Variants in ROBO2 observed in about 807,000 individuals in gnomAD.
The protein encoded by ROBO2 is roundabout guidance receptor 2.
In ROBO2, 53 loss-of-function variants were observed where a neutral mutation model predicts 160.8. That is an observed-to-expected ratio of 0.33 (90% confidence interval 0.26 to 0.41). The LOEUF (loss-of-function observed/expected upper bound fraction) is 0.41. Ranked by LOEUF, ROBO2 falls within the 10% of genes least tolerant of loss-of-function variation. The probability of loss-of-function intolerance (pLI) is 1.00; values close to 1 mark genes in which losing one functional copy is unlikely to be tolerated. For synonymous variants in ROBO2, 664 were observed against 611.7 expected (o/e 1.09, Z -1.26); for missense variants, 1,577 against 1,722.4 (o/e 0.92, Z 1.49).
intron 5 of ROBO2, among the ~76,000 whole-genome samples, chr3:77,518,586 A>G (rs2090269752): frequency 6.6e-6 from 1 of 151,470 alleles, no homozygotes; most frequent in Non-Finnish European, 1.5e-5. Context: ...GAGAGAGCCA[A>G]GGAGGTAGCT....
intron 2 of ROBO2, among the ~76,000 whole-genome samples, chr3:76,644,253 A>G (rs1485100047): frequency 6.6e-6 from 1 of 152,214 alleles, no homozygotes; most frequent in Non-Finnish European, 1.5e-5. Context: ...AACTATCCAC[A>G]TTTGAAAAGC....
At chr3:76,775,952 G>T (rs2062223985) in intron 2 of ROBO2, among the ~76,000 whole-genome samples, 1 of 150,796 alleles carries the variant, frequency 6.6e-6, no homozygotes, top group Non-Finnish European at 1.5e-5. Flanking sequence ...ATCCATGTCT[G>T]TAAAGCAACT....
intron 2 of ROBO2, among the ~76,000 whole-genome samples, chr3:76,450,198 G>A (rs967382048): frequency 6.6e-6 from 1 of 152,040 alleles, no homozygotes; most frequent in Non-Finnish European, 1.5e-5. Flanking sequence ...AAGCAAAAAT[G>A]GGTTCTGGAA....
chr3:76,834,869 T>C (rs942311894), intron 2 of ROBO2, among the ~76,000 whole-genome samples: 1 of 152,186 alleles, frequency 6.6e-6, no homozygotes, highest in Non-Finnish European at 1.5e-5. Context: ...GCAACCCAAT[T>C]GTTTATAACG....
intron 2 of ROBO2, among the ~76,000 whole-genome samples, chr3:76,166,549 A>G (rs1438822392): frequency 6.6e-6 from 1 of 152,108 alleles, no homozygotes; most frequent in Non-Finnish European, 1.5e-5. Flanking sequence ...CTCTAAATAA[A>G]TCCTCATTTA....
chr3:77,243,664 C>T (rs1034914681), intron 2 of ROBO2, among the ~76,000 whole-genome samples: 2 of 152,176 alleles, frequency 1.3e-5, no homozygotes, highest in African/African-American at 4.8e-5. Flanking sequence ...CATTAAAATA[C>T]TTGAGCTTGA....
rs571745615 is a variant in ROBO2, at chr3:76,051,956, A to G, written c.109+114354A>G. On this transcript the variant is annotated intron_variant, in intron 2 of 26. Transcript: ENST00000487694. Reference sequence around the variant, plus strand: ...GATCTAAATTTCAATGATAAAAAGTACTATTAAAAGAAAATATTTATGGAA... The same window carrying G: ...GATCTAAATTTCAATGATAAAAAGTGCTATTAAAAGAAAATATTTATGGAA... 2.0e-5 allele frequency among the ~76,000 whole-genome samples: 3 copies of G among 152,210 alleles called. No individual in the cohort carries two copies. The South Asian group carries it at 6.2e-4, about 32-fold the overall frequency.
At chr3:75,928,868 G>A (rs1160817608) in intron 1 of ROBO2, among the ~76,000 whole-genome samples, 5 of 92,482 alleles carry the variant, frequency 5.4e-5, no homozygotes, top group Non-Finnish European at 1.0e-4. Context: ...AGACGTGTGT[G>A]TGTGTGTGTG....
At chr3:77,156,743 A>C (rs2150574606) in intron 2 of ROBO2, among the ~76,000 whole-genome samples, 1 of 149,970 alleles carries the variant, frequency 6.7e-6, no homozygotes, top group Non-Finnish European at 1.5e-5. Context: ...TTAGAATATT[A>C]ATTAGAATAT....
intron 5 of ROBO2, among the ~76,000 whole-genome samples, chr3:77,510,593 C>A (rs144698572): frequency 6.6e-6 from 1 of 152,156 alleles, no homozygotes; most frequent in Non-Finnish European, 1.5e-5. Context: ...TGAGGATTTA[C>A]TATGTGCCTT....
intron 2 of ROBO2, among the ~76,000 whole-genome samples, chr3:76,090,897 G>C (rs1315219029): frequency 6.6e-6 from 1 of 152,168 alleles, no homozygotes; most frequent in Non-Finnish European, 1.5e-5. Flanking sequence ...ACACCCACAT[G>C]CGAACAAACT....
chr3:76,570,950 T>C (rs2084916758), intron 2 of ROBO2, among the ~76,000 whole-genome samples: 1 of 152,144 alleles, frequency 6.6e-6, no homozygotes, highest in Non-Finnish European at 1.5e-5. Flanking sequence ...ATGACAAAAC[T>C]GTATCATACA....
At chr3:76,271,406 C>A (rs1386249267) in intron 2 of ROBO2, among the ~76,000 whole-genome samples, 1 of 151,252 alleles carries the variant, frequency 6.6e-6, no homozygotes, top group Non-Finnish European at 1.5e-5. Context: ...GATGGAGATA[C>A]TTTCAGAACC....
intron 16 of ROBO2, among the ~76,000 whole-genome samples, chr3:77,581,145 CAT>C (rs990402159): frequency 2.0e-5 from 3 of 152,084 alleles, no homozygotes; most frequent in African/African-American, 7.2e-5. Context: ...GAATTGACCA[CAT>C]GTTTGCCTTT....
intron 2 of ROBO2, among the ~76,000 whole-genome samples, chr3:76,613,237 T>G (rs2088284999): frequency 6.6e-6 from 1 of 152,198 alleles, no homozygotes; most frequent in South Asian, 2.1e-4. Context: ...TCTGTTGGTA[T>G]GTTTTATTCT....
At chr3:76,636,856 T>C (rs1310423577) in intron 2 of ROBO2, among the ~76,000 whole-genome samples, 1 of 152,018 alleles carries the variant, frequency 6.6e-6, no homozygotes, top group Admixed American at 6.6e-5. Flanking sequence ...AATAGGTGAT[T>C]TAATATCTTC....
At chr3:77,420,603 T>G (rs940304349) in intron 2 of ROBO2, among the ~76,000 whole-genome samples, 1 of 152,116 alleles carries the variant, frequency 6.6e-6, no homozygotes, top group Non-Finnish European at 1.5e-5. Context: ...CAGACAGGAT[T>G]GAAGGTTTAC....
chr3:77,086,284 G>C (rs184354452), intron 1 of ROBO2, among the ~76,000 whole-genome samples: 9 of 152,030 alleles, frequency 5.9e-5, no homozygotes, highest in Non-Finnish European at 1.3e-4. Context: ...TTGAGTGCTT[G>C]CTGTGTACTC....
At chr3:77,461,755 G>GTTTTTTTTTTTTTTTTT (rs2082266297) in intron 2 of ROBO2, among the ~76,000 whole-genome samples, 1 of 148,620 alleles carries the variant, frequency 6.7e-6, no homozygotes. Flanking sequence ...TTGAGACAGA[G>GTTTTTTTTTTTTTTTTT]TCTCTCTCTG....
Sources: gnomAD v4.1 joint callset for allele counts (sites outside exome capture counted in the v4.1 genomes callset) on GRCh38, gnomAD v4.1.1 for gene constraint, MANE v1.5 for transcripts, NCBI Gene and HGNC (gene_info 2026-07-23, HGNC 2026-07-21) for gene names.